Variants in SV2C observed in about 807,000 individuals in gnomAD.
The protein encoded by SV2C is synaptic vesicle glycoprotein 2C.
In SV2C, 49 loss-of-function variants were observed where a neutral mutation model predicts 79.7. The observed-to-expected ratio is 0.61, with a 90% CI of 0.49 to 0.78. The LOEUF (loss-of-function observed/expected upper bound fraction) is 0.78. Among genes scored for constraint, SV2C ranks in the 30% least tolerant of loss-of-function variants. The probability of loss-of-function intolerance (pLI) is 0.00; values close to 1 mark genes in which losing one functional copy is unlikely to be tolerated. For synonymous variants in SV2C, 334 were observed against 333.2 expected (o/e 1.00, Z -0.03); for missense variants, 833 against 912.9 (o/e 0.91, Z 1.13).
At chr5:76,217,755 A>G (rs1208767453) in intron 4 of SV2C, among the ~76,000 whole-genome samples, 1 of 149,652 alleles carries the variant, frequency 6.7e-6, no homozygotes, top group Non-Finnish European at 1.5e-5. Flanking sequence ...CAGAGAAAAG[A>G]AAAAAAAAAG....
At chr5:76,272,929 TA>T (rs1279298275) in intron 4 of SV2C, among the ~76,000 whole-genome samples, 1 of 151,080 alleles carries the variant, frequency 6.6e-6, no homozygotes, top group African/African-American at 2.4e-5. Context: ...CATTTCACTT[TA>T]AATAAACATT....
chr5:76,276,514 G>A (rs1747026018), intron 4 of SV2C, among the ~76,000 whole-genome samples: 1 of 152,210 alleles, frequency 6.6e-6, no homozygotes, highest in Non-Finnish European at 1.5e-5. Flanking sequence ...TTCTTGTAGA[G>A]ACGAGGTTTT....
chr5:76,100,734 A>T (rs1206292208), intron 1 of SV2C, among the ~76,000 whole-genome samples: 1 of 152,208 alleles, frequency 6.6e-6, no homozygotes, highest in Non-Finnish European at 1.5e-5. Context: ...CCAGAACTCC[A>T]TGGTGGTTTG....
chr5:76,298,978 C>T (rs1238425427), intron 10 of SV2C, 51 bp downstream of exon 10: 1 of 1,593,704 alleles, frequency 6.3e-7, no homozygotes, highest in African/African-American at 1.3e-5. Flanking sequence ...CCAAAGGGCC[C>T]ACTGTGATAA....
intron 2 of SV2C, among the ~76,000 whole-genome samples, chr5:76,143,223 G>A (rs1358401294): frequency 6.6e-6 from 1 of 151,884 alleles, no homozygotes; most frequent in East Asian, 1.9e-4. Context: ...TAAGGAAATT[G>A]GTTGCAATGA....
downstream of SV2C, among the ~76,000 whole-genome samples, chr5:76,335,534 A>G (rs996927395): frequency 6.6e-6 from 1 of 150,532 alleles, no homozygotes; most frequent in Non-Finnish European, 1.5e-5. Flanking sequence ...AAGTGAACAA[A>G]GGTCTCTGGT....
At chr5:76,106,736 A>C (rs1561217699) in intron 1 of SV2C, among the ~76,000 whole-genome samples, 1 of 152,062 alleles carries the variant, frequency 6.6e-6, no homozygotes, top group African/African-American at 2.4e-5. Context: ...TCTCATCTCT[A>C]TGAGGCCTAC....
chr5:76,200,129 TAATC>T (rs1744393021), intron 3 of SV2C, among the ~76,000 whole-genome samples: 2 of 152,182 alleles, frequency 1.3e-5, no homozygotes. Flanking sequence ...GGAAGGCAGG[TAATC>T]AATGGTGTTT....
At chr5:75,995,286 G>T in the SV2C span, among the ~76,000 whole-genome samples, 1 of 152,064 alleles carries the variant, frequency 6.6e-6, no homozygotes, top group African/African-American at 2.4e-5. Context: ...CCATTTGCAG[G>T]TGACTTCTCA....
chr5:76,057,689 A>T, the SV2C span, among the ~76,000 whole-genome samples: 6 of 152,248 alleles, frequency 3.9e-5, no homozygotes, highest in South Asian at 6.2e-4. Context: ...ATCAATGCCT[A>T]TTATCCATGG....
At chr5:76,169,578 C>A (rs1015222912) in intron 2 of SV2C, among the ~76,000 whole-genome samples, 1 of 152,206 alleles carries the variant, frequency 6.6e-6, no homozygotes, top group African/African-American at 2.4e-5. Flanking sequence ...GGGAATCCAT[C>A]AACTGCATCA....
chr5:75,853,658 A>C, the SV2C span, among the ~76,000 whole-genome samples: 1,088 of 138,738 alleles, frequency 7.8e-3, 23 homozygotes, highest in African/African-American at 0.032. Context: ...ACATCTACTA[A>C]AGTTATTTTT....
rs1227782632 is a variant in SV2C, at chr5:76,291,820, T to C, written c.1301T>C (p.Ile434Thr). 1 of 1,610,864 alleles carries C rather than the reference T, an allele frequency of 6.2e-7. No homozygotes were observed. The highest frequency in any genetic ancestry group is 8.5e-7 in the Non-Finnish European group (1 of 1,178,192). ...CFNYPVRDNT[I>T]KLTIVWFTLS... is the part of the protein sequence containing the mutation. ...AACTACCCAGTCAGGGATAATACAA[T>C]AAAGCTTACAATTGTTTGGTTCACC... is the stretch of plus-strand genomic sequence containing the variant. Residue 434 changes from isoleucine (I) to threonine (T), a missense_variant, in exon 8 of 13, where the codon ATA becomes ACA. By Grantham distance (89) the Ile-to-Thr change is moderately conservative. Coordinates refer to ENST00000502798, the MANE Select transcript of SV2C (RefSeq NM_014979.4).
At chr5:75,933,028 A>G in the SV2C span, among the ~76,000 whole-genome samples, 2 of 152,094 alleles carry the variant, frequency 1.3e-5, no homozygotes, top group African/African-American at 4.8e-5. Flanking sequence ...GTTTATTTGC[A>G]GTTCCTGGAT....
At chr5:76,181,949 G>C (rs1743746633) in intron 2 of SV2C, among the ~76,000 whole-genome samples, 1 of 152,086 alleles carries the variant, frequency 6.6e-6, no homozygotes, top group Admixed American at 6.6e-5. Context: ...ACTAAACCCA[G>C]TCATTCCCAC....
At chr5:76,085,901 G>GT (rs1159427367) in intron 1 of SV2C, among the ~76,000 whole-genome samples, 10 of 148,876 alleles carry the variant, frequency 6.7e-5, no homozygotes, top group Non-Finnish European at 1.3e-4. Flanking sequence ...TCCCAGCATT[G>GT]TTTTTTTAAT....
chr5:75,881,359 G>A, the SV2C span, among the ~76,000 whole-genome samples: 16 of 152,172 alleles, frequency 1.1e-4, no homozygotes, highest in African/African-American at 3.6e-4. Flanking sequence ...TATAAAGACA[G>A]TGACTGGCCC....
chr5:76,158,624 C>G lies in SV2C; in HGVS notation c.580+26294C>G, dbSNP rs1218493868. ...GTTGAAGACTTCAATACCCAATTTT[C>G]AAGAGGGATATAACAACTAGGCAGA... On this transcript the variant is annotated intron_variant, in intron 2 of 12. Coordinates refer to ENST00000502798, the MANE Select transcript of SV2C (RefSeq NM_014979.4). 2.0e-5 allele frequency among the ~76,000 whole-genome samples: 3 copies of G among 151,854 alleles called. No homozygotes were observed. The East Asian group carries it at 5.8e-4, about 29-fold the overall frequency.
At chr5:76,316,137 A>G (rs1276999630) in intron 12 of SV2C, among the ~76,000 whole-genome samples, 1 of 152,258 alleles carries the variant, frequency 6.6e-6, no homozygotes, top group Non-Finnish European at 1.5e-5. Flanking sequence ...AAAAGCAGAA[A>G]GCAAAATTGT....
Sources: allele counts gnomAD v4.1 joint callset (sites outside exome capture counted in the v4.1 genomes callset), GRCh38; gene constraint gnomAD v4.1.1; transcripts MANE v1.5; gene names NCBI Gene and HGNC (gene_info 2026-07-23, HGNC 2026-07-21).